Variants in KDELR2 observed in about 807,000 individuals in gnomAD.
KDELR2 encodes the protein ER lumen protein-retaining receptor 2.
A neutral mutation model predicts 23.9 loss-of-function variants in KDELR2; 15 were observed. That is an observed-to-expected ratio of 0.63 (90% CI 0.42 to 0.97). The LOEUF (loss-of-function observed/expected upper bound fraction) is 0.97, where lower values mean the gene tolerates loss of function less well. Among genes scored for constraint, KDELR2 ranks in the 50% least tolerant of loss-of-function variants. The pLI, the probability that KDELR2 is intolerant of heterozygous loss-of-function variation, is 0.00. For missense variants in KDELR2, 272 were observed against 254.6 expected, an observed-to-expected ratio of 1.07 and a Z score of -0.46; for synonymous variants, 119 against 106.2, an observed-to-expected ratio of 1.12 and a Z score of -0.74.
intron 2 of KDELR2, chr7:6,470,461 G>GA (rs1371636041): frequency 6.6e-6 from 1 of 152,244 alleles, no homozygotes; most frequent in Non-Finnish European, 1.5e-5. Flanking sequence ...GCAGTTGGGG[G>GA]AAAGTTCGCG....
chr7:6,463,775 G>C (rs1273240482), intron 4 of KDELR2, among the ~76,000 whole-genome samples: 1 of 150,334 alleles, frequency 6.7e-6, no homozygotes, highest in African/African-American at 2.4e-5. Context: ...AAAACACAAA[G>C]GATGGCAGGG....
intron 1 of KDELR2, among the ~76,000 whole-genome samples, chr7:6,478,606 A>G (rs979838297): frequency 1.3e-5 from 2 of 152,198 alleles, no homozygotes; most frequent in East Asian, 1.9e-4. Flanking sequence ...ACTTAGGTAT[A>G]TTACAGATTA....
chr7:6,473,080 G>GTTTT (rs1393026018), intron 2 of KDELR2, among the ~76,000 whole-genome samples: 5 of 42,716 alleles, frequency 1.2e-4, no homozygotes, highest in African/African-American at 3.8e-4. Context: ...GCTAATTTTT[G>GTTTT]TATTTTTTTT....
At chr7:6,464,257 A>ACG (rs1785452655) in intron 4 of KDELR2, among the ~76,000 whole-genome samples, 2 of 140,146 alleles carry the variant, frequency 1.4e-5, no homozygotes, top group East Asian at 4.9e-4. Flanking sequence ...GTGGTGGCTC[A>ACG]CGCCTGTAAT....
At chr7:6,479,452 G>A (rs1392900276) in intron 1 of KDELR2, among the ~76,000 whole-genome samples, 1 of 152,080 alleles carries the variant, frequency 6.6e-6, no homozygotes, top group Non-Finnish European at 1.5e-5. Flanking sequence ...ACTAAGACCG[G>A]CCAAGAACAA....
intron 3 of KDELR2, 96 bp from the exon 4 acceptor site, chr7:6,466,419 T>G: frequency 6.7e-7 from 1 of 1,498,542 alleles, no homozygotes; most frequent in African/African-American, 1.4e-5. Context: ...CAGCCTAAGA[T>G]GAGTGGGGAG....
chr7:6,464,517 T>TCAAAA (rs939167801), intron 4 of KDELR2, among the ~76,000 whole-genome samples: 9 of 151,776 alleles, frequency 5.9e-5, no homozygotes, highest in South Asian at 2.1e-4. Flanking sequence ...AGACTCAGTC[T>TCAAAA]CAAAACAAAA....
At chr7:6,475,834 A>G (rs1324072932) in intron 1 of KDELR2, among the ~76,000 whole-genome samples, 1 of 152,258 alleles carries the variant, frequency 6.6e-6, no homozygotes, top group African/African-American at 2.4e-5. Context: ...TACACATTTT[A>G]GTAAGTATGA....
At chr7:6,475,609 G>T (rs190108344) in intron 1 of KDELR2, among the ~76,000 whole-genome samples, 60 of 152,290 alleles carry the variant, frequency 3.9e-4, no homozygotes, top group Admixed American at 9.8e-4. Context: ...CCAGAGCACT[G>T]CATGGCACAG....
intron 3 of KDELR2, among the ~76,000 whole-genome samples, chr7:6,468,466 T>C (rs752204667): frequency 1.5e-4 from 22 of 151,632 alleles, no homozygotes; most frequent in African/African-American, 5.3e-4. Flanking sequence ...GTAGCTGGGA[T>C]TACAGGCGTG....
At chr7:6,475,869 C>G (rs974069556) in intron 1 of KDELR2, among the ~76,000 whole-genome samples, 35 of 152,202 alleles carry the variant, frequency 2.3e-4, no homozygotes, top group Non-Finnish European at 1.2e-4. Flanking sequence ...TCACTTCACC[C>G]AAATCATTCA....
chr7:6,478,457 C>T (rs1211609063), intron 1 of KDELR2, among the ~76,000 whole-genome samples: 2 of 152,104 alleles, frequency 1.3e-5, no homozygotes, highest in Non-Finnish European at 2.9e-5. Context: ...TATTCAAATT[C>T]CTAACTCCTA....
chr7:6,480,240 G>T (rs1785861020), intron 1 of KDELR2, among the ~76,000 whole-genome samples: 1 of 152,228 alleles, frequency 6.6e-6, no homozygotes, highest in African/African-American at 2.4e-5. Flanking sequence ...CACTACAGTA[G>T]ATACAGCACT....
chr7:6,471,138 T>TA (rs1203313517), intron 2 of KDELR2, among the ~76,000 whole-genome samples: 7 of 139,372 alleles, frequency 5.0e-5, no homozygotes, highest in Non-Finnish European at 1.1e-4. Flanking sequence ...AATAAATAAA[T>TA]AAATAAATAA....
intron 1 of KDELR2, among the ~76,000 whole-genome samples, chr7:6,475,699 T>C (rs1785736386): frequency 6.6e-6 from 1 of 152,208 alleles, no homozygotes; most frequent in Non-Finnish European, 1.5e-5. Flanking sequence ...CAAATATTTA[T>C]GTGACAAAGG....
At chr7:6,465,565 C>G (rs1294231183) in intron 4 of KDELR2, among the ~76,000 whole-genome samples, 2 of 151,896 alleles carry the variant, frequency 1.3e-5, no homozygotes, top group Non-Finnish European at 2.9e-5. Context: ...CATACAAATG[C>G]AAAAACACAT....
intron 1 of KDELR2, chr7:6,482,459 A>C (rs886195296): frequency 4.9e-6 from 2 of 404,196 alleles, no homozygotes; most frequent in Non-Finnish European, 5.2e-6. Flanking sequence ...CTATGTATCA[A>C]CTGAGAGATA....
At chr7:6,478,221 T>C (rs1045954529) in intron 1 of KDELR2, among the ~76,000 whole-genome samples, 6 of 151,986 alleles carry the variant, frequency 3.9e-5, no homozygotes, top group Admixed American at 2.6e-4. Context: ...AATGGCATGA[T>C]CACAGCTCGC....
intron 1 of KDELR2, chr7:6,482,461 T>A: frequency 2.5e-6 from 1 of 406,468 alleles, no homozygotes; most frequent in Non-Finnish European, 5.2e-6. Flanking sequence ...ATGTATCAAC[T>A]GAGAGATAAC....
Sources: allele counts gnomAD v4.1 joint callset (sites outside exome capture counted in the v4.1 genomes callset), GRCh38; gene constraint gnomAD v4.1.1; transcripts MANE v1.5; gene names NCBI Gene and HGNC (gene_info 2026-07-23, HGNC 2026-07-21).